Variants in VAT1L observed in about 807,000 individuals in gnomAD.
VAT1L encodes vesicle amine transport 1 like, also known as putative NADPH-dependent quinone oxidoreductase VAT1L.
VAT1L carries 34 observed loss-of-function variants against 44.1 expected under a neutral mutation model. The observed-to-expected ratio is 0.77, with a 90% CI of 0.59 to 1.03. VAT1L has a LOEUF of 1.03. Ranked by LOEUF, VAT1L falls within the 50% of genes least tolerant of loss-of-function variation. The pLI is 0.00. For missense variants in VAT1L, 615 were observed against 538.8 expected (o/e 1.14, Z -1.40); for synonymous variants, 253 against 202.2 (o/e 1.25, Z -2.13).
Position 77,978,953 on chromosome 16 carries a change from T to A in VAT1L, c.*1258T>A, listed in dbSNP as rs2018370254. The stretch of plus-strand genomic sequence containing the variant: ...CTTCCAGTCCTTTTGGCTAAAATGC[T>A]TAACTATCACTCACAAACAAATGTG... On this transcript the variant is annotated 3_prime_UTR_variant, in exon 9 of 9. Transcript: ENST00000302536. The A allele has an allele frequency of 6.6e-6, 1 of 152,244 alleles. No individual in the cohort carries two copies. Among genetic ancestry groups the A allele is most frequent in the Non-Finnish European group, 1.5e-5 (1 of 68,046 alleles). The allele number at this position is 152,244 out of a possible 1,614,324, so 9.4% of individuals were successfully genotyped here. A position where few individuals can be genotyped will look rare whatever the true frequency, so the allele number is the denominator to read the frequency against.
chr16:77,957,212 C>T (rs907052174), intron 7 of VAT1L, among the ~76,000 whole-genome samples: 9 of 152,080 alleles, frequency 5.9e-5, no homozygotes, highest in Non-Finnish European at 1.3e-4. Flanking sequence ...AATTTTTAGC[C>T]CTTTTCCATG....
intron 7 of VAT1L, among the ~76,000 whole-genome samples, chr16:77,953,621 G>C (rs1282687088): frequency 6.6e-6 from 1 of 152,028 alleles, no homozygotes; most frequent in South Asian, 2.1e-4. Context: ...GCTCACTGCG[G>C]TCTCGAACTC....
At chr16:77,856,013 AAAACAAACAAAC>A (rs372155498) in intron 3 of VAT1L, among the ~76,000 whole-genome samples, 2 of 152,008 alleles carry the variant, frequency 1.3e-5, no homozygotes, top group Non-Finnish European at 1.5e-5. Flanking sequence ...AGACTCCGTC[AAAACAAACAAAC>A]AAACAAACAA....
chr16:77,829,357 T>C (rs2016555789), intron 3 of VAT1L, among the ~76,000 whole-genome samples: 1 of 152,224 alleles, frequency 6.6e-6, no homozygotes, highest in South Asian at 2.1e-4. Context: ...GTAGCCCTAA[T>C]GGCACCAAGA....
intron 7 of VAT1L, among the ~76,000 whole-genome samples, chr16:77,939,036 G>A (rs965294281): frequency 6.6e-6 from 1 of 152,124 alleles, no homozygotes; most frequent in Non-Finnish European, 1.5e-5. Flanking sequence ...GGACTGCTCA[G>A]ATCTGGGCTT....
intron 3 of VAT1L, among the ~76,000 whole-genome samples, chr16:77,843,680 T>C (rs1299011988): frequency 6.6e-6 from 1 of 152,192 alleles, no homozygotes; most frequent in African/African-American, 2.4e-5. Flanking sequence ...CTGTATTCAG[T>C]GCAGACCTGG....
At chr16:77,798,483 A>G (rs1362111637) in intron 1 of VAT1L, among the ~76,000 whole-genome samples, 1 of 152,214 alleles carries the variant, frequency 6.6e-6, no homozygotes, top group African/African-American at 2.4e-5. Flanking sequence ...ATGCAGCTAA[A>G]GTGCCTAGCA....
intron 7 of VAT1L, among the ~76,000 whole-genome samples, chr16:77,963,397 T>C (rs1049927061): frequency 1.3e-5 from 2 of 152,054 alleles, no homozygotes; most frequent in African/African-American, 2.4e-5. Flanking sequence ...AAGGGCTTCT[T>C]CTAAAGACGG....
At chr16:77,812,187 C>T (rs2016277109) in intron 1 of VAT1L, among the ~76,000 whole-genome samples, 2 of 151,514 alleles carry the variant, frequency 1.3e-5, no homozygotes, top group Non-Finnish European at 2.9e-5. Flanking sequence ...ATTCTCCTGC[C>T]TCAGTCTCCT....
chr16:77,959,931 G>A (rs902598289), intron 7 of VAT1L, among the ~76,000 whole-genome samples: 5 of 151,958 alleles, frequency 3.3e-5, no homozygotes, highest in Admixed American at 6.6e-5. Context: ...CAAGGCCATT[G>A]GCTTTTTTCA....
chr16:77,936,842 T>C (rs2017803975), intron 7 of VAT1L, among the ~76,000 whole-genome samples: 1 of 151,608 alleles, frequency 6.6e-6, no homozygotes, highest in South Asian at 2.1e-4. Flanking sequence ...CAGGGGTGGA[T>C]TCCTAAGACC....
At chr16:77,896,193 GT>G (rs1246115715) in intron 7 of VAT1L, among the ~76,000 whole-genome samples, 2 of 152,190 alleles carry the variant, frequency 1.3e-5, no homozygotes, top group African/African-American at 4.8e-5. Flanking sequence ...CCCTGCCTTT[GT>G]TCCAGTTGTT....
At chr16:77,834,210 T>C (rs892397911) in intron 3 of VAT1L, among the ~76,000 whole-genome samples, 2 of 152,174 alleles carry the variant, frequency 1.3e-5, no homozygotes, top group Non-Finnish European at 2.9e-5. Flanking sequence ...TTTCTCTCTC[T>C]CTCTGTCCAC....
intron 1 of VAT1L, among the ~76,000 whole-genome samples, chr16:77,802,624 A>G (rs2016082341): frequency 2.2e-5 from 1 of 44,566 alleles, no homozygotes; most frequent in Non-Finnish European, 4.3e-5. Context: ...AAACACACAC[A>G]CACACACACA....
chr16:77,846,059 T>C (rs1451696171), intron 3 of VAT1L, among the ~76,000 whole-genome samples: 1 of 152,196 alleles, frequency 6.6e-6, no homozygotes, highest in Non-Finnish European at 1.5e-5. Context: ...TCACAGGGTC[T>C]GGGATGGAGT....
At chr16:77,943,058 T>G (rs1029098398) in intron 7 of VAT1L, among the ~76,000 whole-genome samples, 3 of 141,378 alleles carry the variant, frequency 2.1e-5, no homozygotes. Flanking sequence ...CCTGTATTCT[T>G]TTTTGTTTGT....
At chr16:77,950,150 T>A (rs1383337721) in intron 7 of VAT1L, among the ~76,000 whole-genome samples, 2 of 152,210 alleles carry the variant, frequency 1.3e-5, no homozygotes, top group South Asian at 2.1e-4. Context: ...GGCTCACGCC[T>A]GTAATCCCAG....
At position 77,977,792 on chromosome 16, in the gene VAT1L, C is replaced by A; in HGVS notation, c.*97C>A. 1 of 1,187,540 alleles carries A rather than the reference C, an allele frequency of 8.4e-7. No homozygotes were observed. The highest frequency in any genetic ancestry group is 1.2e-6 in the Non-Finnish European group (1 of 829,394). The allele number at this position is 1,187,540 out of a possible 1,614,324, so 73.6% of individuals were successfully genotyped here. A position where few individuals can be genotyped will look rare whatever the true frequency, so the allele number is the denominator to read the frequency against. Reference sequence around the variant, plus strand: ...GCCCCAGTGAACAAATGCTGTAGTCCAGTGCGTGTCGTGTTTGTCTGCAGT... The same window carrying A: ...GCCCCAGTGAACAAATGCTGTAGTCAAGTGCGTGTCGTGTTTGTCTGCAGT... On this transcript the variant is annotated 3_prime_UTR_variant, in exon 9 of 9. Transcript: ENST00000302536.
At chr16:77,913,976 C>T (rs1452194366) in intron 7 of VAT1L, among the ~76,000 whole-genome samples, 3 of 152,108 alleles carry the variant, frequency 2.0e-5, no homozygotes, top group Non-Finnish European at 4.4e-5. Context: ...CTGAAGGCTG[C>T]CTTATTTTCT....
Sources: allele counts gnomAD v4.1 joint callset (sites outside exome capture counted in the v4.1 genomes callset), GRCh38; gene constraint gnomAD v4.1.1; transcripts MANE v1.5; gene names NCBI Gene and HGNC (gene_info 2026-07-23, HGNC 2026-07-21).